Variants in EPHX2 observed in about 807,000 individuals in gnomAD.
EPHX2 encodes the protein epoxide hydrolase 2, also known as bifunctional epoxide hydrolase 2.
Under a neutral mutation model 78.7 loss-of-function variants are expected in EPHX2, and 74 were observed. That is an observed-to-expected ratio of 0.94 (90% CI 0.78 to 1.14). EPHX2 has a LOEUF of 1.14. Ranked by LOEUF, EPHX2 falls within the 50% of genes most tolerant of loss-of-function variation. The pLI, the probability that EPHX2 is intolerant of heterozygous loss-of-function variation, is 0.00. For synonymous variants in EPHX2, 251 were observed against 255.2 expected, an observed-to-expected ratio of 0.98 and a Z score of 0.16; for missense variants, 715 against 702.5, an observed-to-expected ratio of 1.02 and a Z score of -0.20.
At chr8:27,501,324 T>TTTC (rs796293855) in intron 2 of EPHX2, among the ~76,000 whole-genome samples, 7,934 of 102,820 alleles carry the variant, frequency 0.077, 578 homozygotes, top group Admixed American at 0.12. Flanking sequence ...TGCTATATAT[T>TTTC]TTCTTCTTCT....
At position 27,545,158 on chromosome 8, in the gene EPHX2, CAG is replaced by C. The variant is rs1191189513; in HGVS notation, c.*639_*640del. ...CCTGCCTTTCTCCCGGCTTCCCTAG[CAG>C]AGTTTGCTCAGGCACAAATGTGCAC... On this transcript the variant is annotated 3_prime_UTR_variant, in exon 19 of 19. Coordinates refer to ENST00000521400, the MANE Select transcript of EPHX2 (RefSeq NM_001979.6). 1 of 152,392 alleles carries C rather than the reference CAG, an allele frequency of 6.6e-6. No individual in the cohort carries two copies. The highest frequency in any genetic ancestry group is 1.5e-5 in the Non-Finnish European group (1 of 68,190). The allele number at this position is 152,392 out of a possible 1,614,324, so 9.4% of individuals were successfully genotyped here. A position where few individuals can be genotyped will look rare whatever the true frequency, so the allele number is the denominator to read the frequency against.
chr8:27,515,090 G>T (rs1197588328), intron 6 of EPHX2, among the ~76,000 whole-genome samples: 2 of 152,174 alleles, frequency 1.3e-5, no homozygotes, highest in Non-Finnish European at 2.9e-5. Flanking sequence ...GCAGCAGGGA[G>T]GAGCCTGGCC....
At chr8:27,539,904 G>A (rs575344978) in intron 14 of EPHX2, among the ~76,000 whole-genome samples, 3 of 152,278 alleles carry the variant, frequency 2.0e-5, no homozygotes, top group African/African-American at 4.8e-5. Context: ...TGAAAATGCC[G>A]ACGGGCCCTG....
intron 12 of EPHX2, among the ~76,000 whole-genome samples, chr8:27,529,803 C>T (rs953021690): frequency 1.3e-4 from 19 of 149,756 alleles, no homozygotes; most frequent in Non-Finnish European, 1.8e-4. Flanking sequence ...CCCAGCTGCT[C>T]GGGAGGCTGA....
chr8:27,510,472 C>T (rs1585196409), intron 5 of EPHX2, among the ~76,000 whole-genome samples: 1 of 152,144 alleles, frequency 6.6e-6, no homozygotes, highest in African/African-American at 2.4e-5. Context: ...GAGAACAGGC[C>T]TGGCACCTGC....
At chr8:27,529,255 C>T (rs1051556211) in intron 12 of EPHX2, among the ~76,000 whole-genome samples, 9 of 152,232 alleles carry the variant, frequency 5.9e-5, no homozygotes, top group Non-Finnish European at 1.3e-4. Flanking sequence ...GCTTGCTTTT[C>T]TTGCCTTCTC....
intron 11 of EPHX2, among the ~76,000 whole-genome samples, chr8:27,523,614 A>G (rs1166466552): frequency 1.3e-5 from 2 of 152,258 alleles, no homozygotes; most frequent in Non-Finnish European, 2.9e-5. Flanking sequence ...GGCTCAAATG[A>G]TAGGATTATA....
chr8:27,529,456 C>T (rs947547592), intron 12 of EPHX2, among the ~76,000 whole-genome samples: 3 of 152,194 alleles, frequency 2.0e-5, no homozygotes, highest in Admixed American at 6.5e-5. Flanking sequence ...CATACCAGAA[C>T]GTACCTAGGA....
chr8:27,522,339 G>C, intron 10 of EPHX2, 84 bp from the exon 11 acceptor site: 2 of 1,368,636 alleles, frequency 1.5e-6, no homozygotes, highest in Non-Finnish European at 2.1e-6. Context: ...CCCTGGTGTC[G>C]AGGGGCTGGC....
chr8:27,539,907 G>A lies in EPHX2; in HGVS notation c.1277-647G>A, dbSNP rs369015811. On this transcript the variant is annotated intron_variant, in intron 14 of 18. Coordinates refer to ENST00000521400, the MANE Select transcript of EPHX2 (RefSeq NM_001979.6). ...TCTTCGTGAATCTGAAAATGCCGAC[G>A]GGCCCTGTTCAGGCACCAGCATTGA... is the stretch of plus-strand genomic sequence containing the variant. Among the ~76,000 whole-genome samples the A allele has an allele frequency of 2.0e-5, 3 of 152,112 alleles. No individual in the cohort carries two copies. The East Asian group carries it at 5.8e-4, about 29-fold the overall frequency.
intron 1 of EPHX2, among the ~76,000 whole-genome samples, chr8:27,493,340 T>A (rs1328980211): frequency 6.6e-6 from 1 of 152,108 alleles, no homozygotes; most frequent in Non-Finnish European, 1.5e-5. Flanking sequence ...AAAACAACAC[T>A]CCTCCCCTAA....
chr8:27,491,146 C>T lies in EPHX2; in HGVS notation c.-63C>T, dbSNP rs1813355049. 7 of 1,483,842 alleles carry T rather than the reference C, an allele frequency of 4.7e-6. No homozygotes were observed. Among genetic ancestry groups the T allele is most frequent in the Non-Finnish European group, 6.3e-6 (7 of 1,110,078 alleles). 91.9% of individuals were successfully genotyped at this position (1,483,842 alleles called of 1,614,324 possible). ...GGCCAAGCTGGGCGGGTCATGCGCC[C>T]TGGCCTTCGCGCATCTCCCAGGTTA... On this transcript the variant is annotated 5_prime_UTR_variant, in exon 1 of 19. Transcript: ENST00000521400.
At position 27,513,062 on chromosome 8, in the gene EPHX2, G is replaced by C. The variant is rs764364258; in HGVS notation, c.735+1152G>C. 3.3e-5 allele frequency among the ~76,000 whole-genome samples: 5 copies of C among 152,236 alleles called. No homozygotes were observed. The East Asian group carries it at 9.6e-4, about 29-fold the overall frequency. ...CTGAGATGAATGGAGGGTCTTCCAT[G>C]GTCCCAGGGATTTTACACTCACAAC... is the stretch of plus-strand genomic sequence containing the variant. On this transcript the variant is annotated intron_variant, in intron 6 of 18. Coordinates refer to ENST00000521400, the MANE Select transcript of EPHX2 (RefSeq NM_001979.6).
chr8:27,542,800 C>G (rs1363744236), intron 16 of EPHX2, among the ~76,000 whole-genome samples: 1 of 152,104 alleles, frequency 6.6e-6, no homozygotes, highest in African/African-American at 2.4e-5. Flanking sequence ...CGCCACCACA[C>G]CCAGCGAATT....
intron 6 of EPHX2, among the ~76,000 whole-genome samples, chr8:27,514,271 C>T (rs563975721): frequency 6.6e-6 from 1 of 152,050 alleles, no homozygotes; most frequent in Non-Finnish European, 1.5e-5. Flanking sequence ...CATGCCCCTG[C>T]CCTCCAGCCT....
At position 27,545,252 on chromosome 8, in the gene EPHX2, A is replaced by C. The variant is rs1815549499; in HGVS notation, c.*730A>C. 2.6e-5 allele frequency: 4 copies of C among 152,364 alleles called. No individual in the cohort carries two copies. Among genetic ancestry groups the C allele is most frequent in the African/African-American group, 9.6e-5 (4 of 41,564 alleles). The allele number at this position is 152,364 out of a possible 1,614,324, so 9.4% of individuals were successfully genotyped here. A position where few individuals can be genotyped will look rare whatever the true frequency, so the allele number is the denominator to read the frequency against. On this transcript the variant is annotated 3_prime_UTR_variant, in exon 19 of 19. Transcript: ENST00000521400. ...TTTTAAATTTCATTGAATTGTAATC[A>C]GTTTAAAGTTAAATAGCAGCAGCTG...
chr8:27,503,473 C>T, intron 2 of EPHX2, 131 bp from the exon 3 acceptor site: 1 of 1,060,674 alleles, frequency 9.4e-7, no homozygotes, highest in Non-Finnish European at 1.3e-6. Flanking sequence ...CATATGTTGG[C>T]ATTTCCAGTG....
intron 11 of EPHX2, among the ~76,000 whole-genome samples, chr8:27,523,570 G>A (rs1477820886): frequency 6.6e-6 from 1 of 152,188 alleles, no homozygotes; most frequent in Non-Finnish European, 1.5e-5. Context: ...TATGAGATTG[G>A]AACTACCAGG....
At chr8:27,507,835 C>G (rs1814073121) in intron 5 of EPHX2, among the ~76,000 whole-genome samples, 1 of 152,198 alleles carries the variant, frequency 6.6e-6, no homozygotes, top group South Asian at 2.1e-4. Flanking sequence ...TTGAAGACAG[C>G]CACTTTCTCC....
Sources: allele counts gnomAD v4.1 joint callset (sites outside exome capture counted in the v4.1 genomes callset), GRCh38; gene constraint gnomAD v4.1.1; transcripts MANE v1.5; gene names NCBI Gene and HGNC (gene_info 2026-07-23, HGNC 2026-07-21).